The following MBD2 variants were observed in gnomAD, a reference collection of about 807,000 sequenced individuals.
The protein encoded by MBD2 is methyl-CpG binding domain protein 2.
Under a neutral mutation model 39.3 loss-of-function variants are expected in MBD2, and 9 were observed. That is an observed-to-expected ratio of 0.23 (90% CI 0.14 to 0.40). The LOEUF (loss-of-function observed/expected upper bound fraction) is 0.40. Among genes scored for constraint, MBD2 ranks in the 10% least tolerant of loss-of-function variants. MBD2 has a pLI of 1.00. For missense variants in MBD2, 458 were observed against 532.6 expected (o/e 0.86, Z 1.38); for synonymous variants, 233 against 211.1 (o/e 1.10, Z -0.90).
At chr18:54,222,540 T>C in intron 1 of MBD2, 1 of 275,716 alleles carries the variant, frequency 3.6e-6, no homozygotes, top group Non-Finnish European at 7.4e-6. Context: ...CAATCATAGG[T>C]CATTGCAGCC....
chr18:54,179,726 T>C (rs2086236417), intron 3 of MBD2, among the ~76,000 whole-genome samples: 1 of 152,116 alleles, frequency 6.6e-6, no homozygotes, highest in African/African-American at 2.4e-5. Context: ...GAGAAGCAAA[T>C]TTCCTTAATC....
At chr18:54,209,648 G>A (rs954335381) in intron 1 of MBD2, among the ~76,000 whole-genome samples, 3 of 152,198 alleles carry the variant, frequency 2.0e-5, no homozygotes, top group Non-Finnish European at 4.4e-5. Flanking sequence ...GGCTGCCCCA[G>A]GGGATTTTAG....
intron 2 of MBD2, among the ~76,000 whole-genome samples, chr18:54,197,693 G>A (rs968853654): frequency 1.3e-5 from 2 of 152,134 alleles, no homozygotes; most frequent in Admixed American, 1.3e-4. Flanking sequence ...ATTTTCAAGA[G>A]ATTTAGAATC....
intron 2 of MBD2, chr18:54,203,064 C>A (rs759383254): frequency 6.7e-7 from 1 of 1,486,958 alleles, no homozygotes; most frequent in Non-Finnish European, 9.4e-7. Flanking sequence ...GTCTTGAAAG[C>A]GCATGCCATG....
chr18:54,156,751 A>G (rs1259941), intron 6 of MBD2, among the ~76,000 whole-genome samples: 128,482 of 152,048 alleles, frequency 0.85, 54,779 homozygotes, highest in East Asian at 1. Flanking sequence ...TACTTGGGAG[A>G]CTGAGGCAGG....
At chr18:54,178,754 GA>G (rs1399760232) in intron 3 of MBD2, among the ~76,000 whole-genome samples, 3 of 152,088 alleles carry the variant, frequency 2.0e-5, no homozygotes, top group Non-Finnish European at 4.4e-5. Context: ...AACTTGTTAG[GA>G]AAGGTCTCCC....
At chr18:54,202,789 C>T (rs936205983) in intron 2 of MBD2, 9 of 1,535,736 alleles carry the variant, frequency 5.9e-6, no homozygotes, top group African/African-American at 2.8e-5. Flanking sequence ...AAGTACCTAC[C>T]GTGTGCAAAA....
intron 1 of MBD2, among the ~76,000 whole-genome samples, chr18:54,217,929 A>T (rs1412279153): frequency 6.6e-6 from 1 of 152,220 alleles, no homozygotes; most frequent in African/African-American, 2.4e-5. Flanking sequence ...TCTCACAAAA[A>T]GATGTGATAG....
chr18:54,179,688 A>G (rs532418432), intron 3 of MBD2, among the ~76,000 whole-genome samples: 62 of 152,354 alleles, frequency 4.1e-4, no homozygotes, highest in Admixed American at 3.2e-3. Flanking sequence ...ATATCCATTC[A>G]TAAGAAATAT....
At chr18:54,183,072 G>A (rs1364347496) in intron 3 of MBD2, among the ~76,000 whole-genome samples, 1 of 152,224 alleles carries the variant, frequency 6.6e-6, no homozygotes, top group African/African-American at 2.4e-5. Flanking sequence ...TGAAAGATAG[G>A]AAGAATCAAG....
intron 1 of MBD2, among the ~76,000 whole-genome samples, chr18:54,218,461 T>C (rs1440087360): frequency 6.6e-6 from 1 of 152,180 alleles, no homozygotes; most frequent in East Asian, 1.9e-4. Flanking sequence ...AGATTAGACA[T>C]GGGGTGTTGC....
At chr18:54,216,685 G>T (rs1488822783) in intron 1 of MBD2, among the ~76,000 whole-genome samples, 1 of 152,026 alleles carries the variant, frequency 6.6e-6, no homozygotes, top group South Asian at 2.1e-4. Flanking sequence ...TTAAGGACAC[G>T]CATCCTTGCT....
chr18:54,223,984 C>T (rs1466783055), intron 1 of MBD2, 34 bp downstream of exon 1: 1 of 1,362,858 alleles, frequency 7.3e-7, no homozygotes. Flanking sequence ...CCCGGCCTGA[C>T]CCCGCCACCC....
At chr18:54,223,868 A>T in intron 1 of MBD2, 150 bp downstream of exon 1, 1 of 608,438 alleles carries the variant, frequency 1.6e-6, no homozygotes, top group Non-Finnish European at 2.7e-6. Flanking sequence ...GTCAACTCTC[A>T]CCCAAGGGTT....
chr18:54,166,763 C>G (rs2086136099), intron 3 of MBD2, among the ~76,000 whole-genome samples: 1 of 152,200 alleles, frequency 6.6e-6, no homozygotes, highest in African/African-American at 2.4e-5. Context: ...GCCTGGGTCA[C>G]CATGGTCACT....
chr18:54,171,718 A>G (rs540802065), intron 3 of MBD2, among the ~76,000 whole-genome samples: 1 of 152,336 alleles, frequency 6.6e-6, no homozygotes, highest in African/African-American at 2.4e-5. Flanking sequence ...GAAAACTACC[A>G]CTTAGCCATC....
At position 54,210,487 on chromosome 18, in the gene MBD2, C is replaced by T. The variant is rs141136790; in HGVS notation, c.543-5330G>A. ...GAAGACCTGCTGCCTGCATGTGAAACTGTACTCTGAAATCACCGCTCTAAT... is the reference window on the plus strand; with the variant it reads ...GAAGACCTGCTGCCTGCATGTGAAATTGTACTCTGAAATCACCGCTCTAAT... On this transcript the variant is annotated intron_variant, in intron 1 of 6. Coordinates refer to ENST00000256429, the MANE Select transcript of MBD2 (RefSeq NM_003927.5). 1.1e-4 allele frequency among the ~76,000 whole-genome samples: 16 copies of T among 152,292 alleles called. 1 individual carries two copies. The highest frequency in any genetic ancestry group is 3.8e-4 in the African/African-American group (16 of 41,572).
intron 6 of MBD2, among the ~76,000 whole-genome samples, chr18:54,158,205 C>A (rs954391321): frequency 6.6e-6 from 1 of 152,044 alleles, no homozygotes; most frequent in African/African-American, 2.4e-5. Flanking sequence ...CCACCCCTCC[C>A]CAGACATACT....
At chr18:54,184,011 T>G (rs1301019596) in intron 3 of MBD2, among the ~76,000 whole-genome samples, 1 of 152,192 alleles carries the variant, frequency 6.6e-6, no homozygotes, top group Non-Finnish European at 1.5e-5. Context: ...AAAAAAGCTC[T>G]AAATGTTTCT....
Sources: gnomAD v4.1 joint callset for allele counts (sites outside exome capture counted in the v4.1 genomes callset) on GRCh38, gnomAD v4.1.1 for gene constraint, MANE v1.5 for transcripts, NCBI Gene and HGNC (gene_info 2026-07-23, HGNC 2026-07-21) for gene names.